Variants in VCAN observed in about 807,000 individuals in gnomAD.
VCAN encodes the protein versican.
VCAN carries 44 observed loss-of-function variants against 245.5 expected under a neutral mutation model. That is an observed-to-expected ratio of 0.18 (90% CI 0.14 to 0.23). The LOEUF is 0.23. Ranked by LOEUF, VCAN falls within the 10% of genes least tolerant of loss-of-function variation. The probability of loss-of-function intolerance (pLI) is 1.00; values close to 1 mark genes in which losing one functional copy is unlikely to be tolerated. For synonymous variants in VCAN, 1,413 were observed against 1,437.0 expected (o/e 0.98, Z 0.38); for missense variants, 3,793 against 4,057.9 (o/e 0.93, Z 1.77).
intron 12 of VCAN, among the ~76,000 whole-genome samples, chr5:83,571,248 A>T (rs1748276699): frequency 6.6e-6 from 1 of 152,190 alleles, no homozygotes; most frequent in Non-Finnish European, 1.5e-5. Context: ...TTTATAGGCC[A>T]ATATTATTTT....
intron 13 of VCAN, among the ~76,000 whole-genome samples, chr5:83,576,091 T>C (rs533951448): frequency 1.3e-4 from 20 of 152,160 alleles, no homozygotes; most frequent in Non-Finnish European, 2.4e-4. Context: ...TTATAATATA[T>C]ACAAAAGGCA....
intron 12 of VCAN, among the ~76,000 whole-genome samples, chr5:83,570,328 TCAAA>T (rs2112496433): frequency 6.6e-6 from 1 of 152,268 alleles, no homozygotes; most frequent in African/African-American, 2.4e-5. Context: ...TTATCACTCT[TCAAA>T]CAGTCTTTTT....
chr5:83,513,014 A>G (rs1745715187), intron 6 of VCAN: 1 of 152,438 alleles, frequency 6.6e-6, no homozygotes, highest in African/African-American at 2.4e-5. Flanking sequence ...CCTATAACAG[A>G]GTATCTTTAG....
At chr5:83,506,980 C>T (rs780503060) in intron 5 of VCAN, among the ~76,000 whole-genome samples, 9 of 152,242 alleles carry the variant, frequency 5.9e-5, no homozygotes, top group East Asian at 3.9e-4. Context: ...AGTACCTTCC[C>T]GTGGGTCCCT....
chr5:83,520,686 A>C lies in VCAN; in HGVS notation c.2380A>C (p.Ser794Arg), dbSNP rs772576243. The C allele has an allele frequency of 1.2e-6, 2 of 1,614,136 alleles. No individual in the cohort carries two copies. The highest frequency in any genetic ancestry group is 1.7e-6 in the Non-Finnish European group (2 of 1,180,010). Residue 794 changes from serine to arginine, a missense_variant, in exon 7 of 15, where the codon AGT (serine) becomes CGT (arginine). Physicochemically the swap from Ser to Arg is moderately radical, Grantham distance 110 (BLOSUM62 -1). This residue lies in a region of VCAN where 3,182 missense variants were observed against 3,250.3 expected (regional missense o/e 0.98). Transcript: ENST00000265077. ...AGTGCTTTTGGCCCATGGTACTTTA[A>C]GTGTTGAAGCAGCCACTGTATCAAA... is the stretch of plus-strand genomic sequence containing the variant. ...TTVLLAHGTL[S>R]VEAATVSKWS... is the part of the protein sequence containing the mutation.
In VCAN at chr5:83,537,654, A is replaced by G. The variant is rs1341052302; in HGVS notation, c.4651A>G (p.Ile1551Val). ...GTTTCCTGAAGAGTCTTCAGGAGAG[A>G]TTGCCATTGACCAAGAATCTCAGAA... is the stretch of plus-strand genomic sequence containing the variant. ...SLFPEESSGE[I>V]AIDQESQKIA... is the part of the protein sequence containing the mutation. Residue 1551 changes from isoleucine (I) to valine (V), a missense_variant, in exon 8 of 15, where the codon ATT becomes GTT. Ile to Val is a conservative substitution (Grantham distance 29). This residue lies in a region of VCAN where 3,182 missense variants were observed against 3,250.3 expected (regional missense o/e 0.98). Transcript: ENST00000265077. 1 of 1,613,866 alleles carries G rather than the reference A, an allele frequency of 6.2e-7. No individual in the cohort carries two copies.
intron 12 of VCAN, among the ~76,000 whole-genome samples, chr5:83,569,614 G>A (rs75298512): frequency 0.032 from 4,843 of 152,082 alleles, 234 homozygotes; most frequent in African/African-American, 0.11. Context: ...AAGGGAGATG[G>A]GACAGTGTAG....
At chr5:83,547,885 T>C in intron 9 of VCAN, 86 bp from the exon 10 acceptor site, 2 of 893,752 alleles carry the variant, frequency 2.2e-6, no homozygotes, top group South Asian at 2.7e-5. Context: ...CTGGCTGTCT[T>C]GTATGTTATC....
At chr5:83,505,204 C>T (rs1374235389) in intron 5 of VCAN, among the ~76,000 whole-genome samples, 1 of 152,132 alleles carries the variant, frequency 6.6e-6, no homozygotes, top group African/African-American at 2.4e-5. Flanking sequence ...CCAACAGTTC[C>T]CCAAAGTCTT....
intron 12 of VCAN, among the ~76,000 whole-genome samples, chr5:83,570,648 G>A (rs1748252065): frequency 1.3e-5 from 2 of 151,930 alleles, no homozygotes; most frequent in African/African-American, 4.8e-5. Context: ...TTTTTATTGT[G>A]CCAAGTATTA....
chr5:83,538,735 G>A lies in VCAN; in HGVS notation c.5732G>A (p.Arg1911Gln), dbSNP rs149195788. 5.9e-5 allele frequency: 95 copies of A among 1,613,926 alleles called. No homozygotes were observed. Among genetic ancestry groups the A allele is most frequent in the East Asian group, 2.9e-4 (13 of 44,876 alleles). The change falls in exon 8 of 15, where the codon CGA becomes CAA. Residue 1911 changes from arginine to glutamine, a missense_variant. By Grantham distance (43) the Arg-to-Gln change is conservative. Around this residue, in one of 5 missense-constraint regions of VCAN, gnomAD observed 3,182 missense variants for 3,250.3 expected, o/e 0.98. Coordinates refer to ENST00000265077, the MANE Select transcript of VCAN (RefSeq NM_004385.5). Reference protein sequence around the residue: ...QTSREIVISERLGEPNYGAEI... With the variant: ...QTSREIVISEQLGEPNYGAEI... ...TCCAGGGAAATAGTGATTTCAGAGC[G>A]ATTAGGAGAACCAAATTATGGGGCA...
chr5:83,477,194 G>T (rs1026114042), intron 1 of VCAN, among the ~76,000 whole-genome samples: 1 of 151,972 alleles, frequency 6.6e-6, no homozygotes, highest in Non-Finnish European at 1.5e-5. Flanking sequence ...TACAAAAAAG[G>T]GATGATAATA....
chr5:83,532,622 A>G (rs935282484), intron 7 of VCAN, among the ~76,000 whole-genome samples: 6 of 152,072 alleles, frequency 3.9e-5, no homozygotes, highest in Admixed American at 6.6e-5. Flanking sequence ...TGGGAGGCTG[A>G]GGCAGGAGGA....
At chr5:83,557,020 C>T (rs982129337) in intron 12 of VCAN, among the ~76,000 whole-genome samples, 1 of 152,004 alleles carries the variant, frequency 6.6e-6, no homozygotes, top group Non-Finnish European at 1.5e-5. Flanking sequence ...TATACAGAAG[C>T]TGGCATGCCC....
At position 83,541,052 on chromosome 5, in the gene VCAN, AGAC is replaced by A; in HGVS notation, c.8051_8053del (p.Asp2684del). ...CTGCTCCTAGCACAGAAACAGAATTAGACGTTTTACTTCCCACGGCAACATCCC... is the reference window on the plus strand; with the variant it reads ...CTGCTCCTAGCACAGAAACAGAATTAGTTTTACTTCCCACGGCAACATCCC... On this transcript the variant is annotated inframe_deletion, in exon 8 of 15. Coordinates refer to ENST00000265077, the MANE Select transcript of VCAN (RefSeq NM_004385.5). The A allele has an allele frequency of 6.2e-7, 1 of 1,614,100 alleles. No individual in the cohort carries two copies.
intron 5 of VCAN, among the ~76,000 whole-genome samples, chr5:83,503,234 G>C (rs1745385400): frequency 1.3e-5 from 2 of 152,204 alleles, no homozygotes; most frequent in South Asian, 4.1e-4. Context: ...GATAGAGAGA[G>C]AGAGAGAAAA....
chr5:83,578,523 G>A (rs1276676750), intron 13 of VCAN, among the ~76,000 whole-genome samples: 4 of 151,948 alleles, frequency 2.6e-5, no homozygotes, highest in Admixed American at 6.6e-5. Flanking sequence ...TTGAGGTCAA[G>A]CAGAAGTAAA....
At chr5:83,532,314 G>A (rs1036517497) in intron 7 of VCAN, among the ~76,000 whole-genome samples, 2 of 152,076 alleles carry the variant, frequency 1.3e-5, no homozygotes, top group Non-Finnish European at 2.9e-5. Context: ...GAGGGGGCAA[G>A]TAGGATTTGG....
At chr5:83,476,031 G>GTA (rs1304046001) in intron 1 of VCAN, among the ~76,000 whole-genome samples, 1 of 152,180 alleles carries the variant, frequency 6.6e-6, no homozygotes, top group Non-Finnish European at 1.5e-5. Flanking sequence ...CAGAATACCT[G>GTA]TATCTATACA....
Sources: allele counts gnomAD v4.1 joint callset (sites outside exome capture counted in the v4.1 genomes callset), GRCh38; gene constraint gnomAD v4.1.1; regional missense constraint gnomAD v4.1.1; transcripts MANE v1.5; gene names NCBI Gene and HGNC (gene_info 2026-07-23, HGNC 2026-07-21).